The following BOP1 variants were observed in gnomAD, a reference collection of about 807,000 sequenced individuals.
The protein encoded by BOP1 is ribosome biogenesis protein BOP1.
BOP1 carries 54 observed loss-of-function variants against 82.9 expected under a neutral mutation model. The ratio of observed to expected loss-of-function variants is 0.65; its 90% CI spans 0.52 to 0.82. BOP1 has a LOEUF of 0.82. BOP1 is among the 40% of genes least tolerant of loss of function. The probability of loss-of-function intolerance (pLI) is 0.00; values close to 1 mark genes in which losing one functional copy is unlikely to be tolerated. For missense variants in BOP1, 1,170 were observed against 1,072.0 expected (o/e 1.09, Z -1.28); for synonymous variants, 566 against 451.1 (o/e 1.25, Z -3.23).
intron 3 of BOP1, among the ~76,000 whole-genome samples, chr8:144,272,345 T>C (rs1173957004): frequency 6.6e-6 from 1 of 152,084 alleles, no homozygotes; most frequent in African/African-American, 2.4e-5. Flanking sequence ...TCCTGATCCG[T>C]GCACACACAC....
chr8:144,264,178 CAG>C, intron 7 of BOP1, 36 bp from the exon 8 acceptor site: 1 of 1,609,792 alleles, frequency 6.2e-7, no homozygotes, highest in Non-Finnish European at 8.5e-7. Context: ...GGGAGGGTCA[CAG>C]GGAAGCATGG....
chr8:144,281,018 G>T (rs1338324703), intron 2 of BOP1, among the ~76,000 whole-genome samples: 1 of 145,654 alleles, frequency 6.9e-6, no homozygotes, highest in African/African-American at 2.5e-5. Flanking sequence ...CAGGTCTTCG[G>T]CCTTCTCTCA....
rs953493502 is a variant in BOP1 at position 144,265,776 on chromosome 8, T to G, written c.391-705A>C. 1,163 of 153,612 alleles carry G rather than the reference T, an allele frequency of 7.6e-3. 31 individuals carry two copies. The highest frequency in any genetic ancestry group is 0.056 in the Admixed American group (872 of 15,552). 9.5% of individuals were successfully genotyped at this position (153,612 alleles called of 1,614,324 possible). The stretch of plus-strand genomic sequence containing the variant: ...CTGCCCCCTGCTGAGGGTCCTTCCC[T>G]CTCCTCCCCATGGAGATAGGGGGCC... On this transcript the variant is annotated intron_variant, in intron 3 of 15. Transcript: ENST00000569669.
intron 2 of BOP1, 115 bp downstream of exon 2, chr8:144,288,980 G>A (rs537755528): frequency 1.1e-5 from 13 of 1,156,948 alleles, no homozygotes; most frequent in Admixed American, 3.7e-5. Flanking sequence ...AAGGAGGGAC[G>A]CCGGCCTTGG....
chr8:144,271,692 G>GTT (rs1845495845), intron 3 of BOP1, among the ~76,000 whole-genome samples: 1 of 151,904 alleles, frequency 6.6e-6, no homozygotes, highest in Non-Finnish European at 1.5e-5. Context: ...GGGCCAGAGG[G>GTT]GAGAAAGCCA....
chr8:144,266,947 T>C (rs1213051059), intron 3 of BOP1: 1 of 1,559,818 alleles, frequency 6.4e-7, no homozygotes, highest in Non-Finnish European at 8.6e-7. Context: ...CCGCAAGCTC[T>C]CCAAGATTGA....
rs1253497306 is a variant in BOP1, at chr8:144,263,776, G to A, written c.1222-15C>T. ...CCCCTGTAGACCTGAGGAGGCGGCG[G>A]CAGTGAGGAGTCAGACTGGGAGGGT... On this transcript the variant is annotated splice_polypyrimidine_tract_variant and intron_variant, in intron 9 of 15. Transcript: ENST00000569669. The A allele has an allele frequency of 1.9e-6, 3 of 1,597,162 alleles. No homozygotes were observed. Among genetic ancestry groups the A allele is most frequent in the Non-Finnish European group, 1.7e-6 (2 of 1,173,574 alleles).
rs1353263964 is a variant in BOP1 at position 144,264,575 on chromosome 8, C to T, written c.705G>A (p.Pro235=). The change falls in exon 6 of 16, where the codon CCG becomes CCA. Residue 235 remains proline (P), a synonymous_variant. Transcript: ENST00000569669. ...DFFSGDVMIH[P]VTNRPADKRS... ...GCTTGTCGGCCGGGCGGTTGGTCAC[C>T]GGGTGGATCATGACGTCCCCGCTGA... 1.2e-5 allele frequency: 20 copies of T among 1,608,736 alleles called. 1 individual carries two copies. Among genetic ancestry groups the T allele is most frequent in the East Asian group, 6.7e-5 (3 of 44,796 alleles).
intron 2 of BOP1, among the ~76,000 whole-genome samples, chr8:144,284,987 G>T (rs913662630): frequency 4.6e-5 from 7 of 152,192 alleles, no homozygotes; most frequent in Admixed American, 2.0e-4. Context: ...CCGCTACAAG[G>T]GCCTCCCACT....
intron 2 of BOP1, among the ~76,000 whole-genome samples, chr8:144,281,503 CCCTCAGTTTAATACCAGG>C (rs1845680067): frequency 1.5e-4 from 3 of 20,152 alleles, no homozygotes; most frequent in African/African-American, 2.2e-4. Context: ...CTTTGGCCTT[CCCTCAGTTTAATACCAGG>C]TCTTCGGCCT....
chr8:144,267,086 C>T, intron 3 of BOP1: 1 of 1,375,836 alleles, frequency 7.3e-7, no homozygotes, highest in African/African-American at 1.5e-5. Context: ...GCCGGCAGCC[C>T]CCCGCCGCCG....
chr8:144,265,155 G>A, intron 3 of BOP1, 84 bp from the exon 4 acceptor site: 3 of 1,503,014 alleles, frequency 2.0e-6, no homozygotes, highest in East Asian at 2.3e-5. Context: ...AGGTGAGGGG[G>A]TTGCAGGGGG....
Position 144,265,053 on chromosome 8 carries a change from C to T in BOP1, c.409G>A (p.Gly137Ser). The T allele has an allele frequency of 3.1e-6, 5 of 1,611,020 alleles. No individual in the cohort carries two copies. Among genetic ancestry groups the T allele is most frequent in the African/African-American group, 1.3e-5 (1 of 75,014 alleles). ...TCGTACCACTCCAAGGGCACGTTGCCCACCGTGTTCCGGATGTCCTGCAGC... is the reference window on the plus strand; with the variant it reads ...TCGTACCACTCCAAGGGCACGTTGCTCACCGTGTTCCGGATGTCCTGCAGC... ...SDEEDIRNTV[G>S]NVPLEWYDDF... The change falls in exon 4 of 16, where the codon GGC becomes AGC. Residue 137 changes from glycine to serine, a missense_variant. Transcript: ENST00000569669.
Position 144,291,384 on chromosome 8 carries a change from C to G in BOP1, c.-14G>C. On this transcript the variant is annotated 5_prime_UTR_variant, in exon 1 of 16. Coordinates refer to ENST00000569669, the MANE Select transcript of BOP1 (RefSeq NM_015201.5). The surrounding 1 kb of genome is among the most constrained non-coding windows in gnomAD (Gnocchi z 4.1). ...CGAACCCGCCATGCCCCACCGCGCG[C>G]CGGCCGCCACCCGCACAGCCGCTTC... is the stretch of plus-strand genomic sequence containing the variant. The G allele has an allele frequency of 8.4e-7, 1 of 1,185,316 alleles. No individual in the cohort carries two copies. Among genetic ancestry groups the G allele is most frequent in the Admixed American group, 4.7e-5 (1 of 21,390 alleles). The allele number at this position is 1,185,316 out of a possible 1,614,324, so 73.4% of individuals were successfully genotyped here.
In BOP1 at chr8:144,264,124, G is replaced by A; in HGVS notation, c.997C>T (p.Gln333Ter). The A allele has an allele frequency of 1.9e-6, 3 of 1,610,580 alleles. No individual in the cohort carries two copies. Among genetic ancestry groups the A allele is most frequent in the Non-Finnish European group, 2.5e-6 (3 of 1,179,304 alleles). Residue 333 changes from glutamine to a stop codon, truncating the protein, a stop_gained, in exon 8 of 16, where the codon CAG becomes TAG. Transcript: ENST00000569669. LOFTEE classifies it high-confidence loss of function. ...CTCAGCTTCCTCTCGCCTGGCTCCT[G>A]CTGTTCCCACGCCAAGCGCTGTGGA... Reference protein sequence around the residue: ...SEEERLAWEQQEPGERKLSFL... With the variant: ...SEEERLAWEQ
intron 2 of BOP1, among the ~76,000 whole-genome samples, chr8:144,283,986 G>A (rs1292058015): frequency 1.3e-5 from 2 of 152,120 alleles, no homozygotes; most frequent in African/African-American, 4.8e-5. Context: ...GCGTGATGAC[G>A]GGCGCCTGTA....
rs532726893 is a variant in BOP1 at position 144,282,710 on chromosome 8, C to T, written c.309+6385G>A. Among the ~76,000 whole-genome samples the T allele has an allele frequency of 1.7e-4, 26 of 152,196 alleles. No individual in the cohort carries two copies. In the South Asian group the frequency reaches 5.4e-3, roughly 32 times the overall value. The stretch of plus-strand genomic sequence containing the variant: ...TCTTGGGCCCTGTCCCTGTCCTCAT[C>T]CCTATCCTCTGACCACCCCCCAGAC... On this transcript the variant is annotated intron_variant, in intron 2 of 15. Coordinates refer to ENST00000569669, the MANE Select transcript of BOP1 (RefSeq NM_015201.5).
intron 2 of BOP1, among the ~76,000 whole-genome samples, chr8:144,283,904 G>A (rs1350400075): frequency 1.3e-5 from 2 of 152,322 alleles, no homozygotes; most frequent in African/African-American, 4.8e-5. Context: ...GATTACCTGA[G>A]GTCAGGAGTT....
intron 3 of BOP1, among the ~76,000 whole-genome samples, chr8:144,270,982 G>A (rs906519689): frequency 5.3e-5 from 8 of 152,214 alleles, no homozygotes; most frequent in African/African-American, 1.7e-4. Context: ...GATTCATCAC[G>A]GTCGCCTGCG....
Sources: gnomAD v4.1 joint callset for allele counts (sites outside exome capture counted in the v4.1 genomes callset) on GRCh38, gnomAD v4.1.1 for gene constraint, Gnocchi (gnomAD v3.1) non-coding constraint, MANE v1.5 for transcripts, NCBI Gene and HGNC (gene_info 2026-07-23, HGNC 2026-07-21) for gene names.